PAM: variants seen among roughly 807,000 people sequenced by gnomAD.
The protein encoded by PAM is peptidylglycine alpha-amidating monooxygenase.
A neutral mutation model predicts 122.1 loss-of-function variants in PAM; 72 were observed. The ratio of observed to expected loss-of-function variants is 0.59; its 90% CI spans 0.49 to 0.72. The LOEUF is 0.72. PAM is among the 30% of genes least tolerant of loss of function. The pLI, the probability that PAM is intolerant of heterozygous loss-of-function variation, is 0.00. For missense variants in PAM, 1,106 were observed against 1,183.7 expected, an observed-to-expected ratio of 0.93 and a Z score of 0.96; for synonymous variants, 389 against 404.4, an observed-to-expected ratio of 0.96 and a Z score of 0.46.
At chr5:103,006,044 C>G (rs898477602) in intron 18 of PAM, among the ~76,000 whole-genome samples, 1 of 152,070 alleles carries the variant, frequency 6.6e-6, no homozygotes, top group Non-Finnish European at 1.5e-5. Flanking sequence ...AGGTGATCCT[C>G]CCACCTTAGC....
chr5:102,948,683 G>A (rs1263763626), intron 9 of PAM, among the ~76,000 whole-genome samples: 2 of 151,926 alleles, frequency 1.3e-5, no homozygotes, highest in Middle Eastern at 3.2e-3. Context: ...GTGTAGGTGT[G>A]TATTATATAA....
chr5:102,817,521 A>T (rs1580497673), intron 1 of PAM, among the ~76,000 whole-genome samples: 1 of 152,286 alleles, frequency 6.6e-6, no homozygotes, highest in East Asian at 1.9e-4. Context: ...ATATATTTTT[A>T]AAGTGATTTC....
In PAM at chr5:103,015,015, T is replaced by G. The variant is rs1376044552; in HGVS notation, c.2332-2319T>G. Among the ~76,000 whole-genome samples, 8 of 152,192 alleles carry G rather than the reference T, an allele frequency of 5.3e-5. No homozygotes were observed. In the East Asian group the frequency reaches 1.5e-3, roughly 29 times the overall value. Reference sequence around the variant, plus strand: ...AAAAGAAAAAAAAGTGAGCCCAGATTTATGTCATTTTTCCAACCTTCACAG... The same window carrying G: ...AAAAGAAAAAAAAGTGAGCCCAGATGTATGTCATTTTTCCAACCTTCACAG... On this transcript the variant is annotated intron_variant, in intron 21 of 25. Transcript: ENST00000438793.
chr5:102,876,989 A>G (rs1789430895), intron 3 of PAM, among the ~76,000 whole-genome samples: 1 of 152,180 alleles, frequency 6.6e-6, no homozygotes, highest in Non-Finnish European at 1.5e-5. Flanking sequence ...CCTAGTCAAG[A>G]AGAGGGCTTG....
At chr5:102,957,217 A>C (rs1761032836) in intron 12 of PAM, among the ~76,000 whole-genome samples, 1 of 152,080 alleles carries the variant, frequency 6.6e-6, no homozygotes, top group African/African-American at 2.4e-5. Context: ...CATGCACACT[A>C]CTCTATTGAA....
In PAM at chr5:102,931,957, A is replaced by G. The variant is rs74618918; in HGVS notation, c.526+5289A>G. Among the ~76,000 whole-genome samples, 1,216 of 152,110 alleles carry G rather than the reference A, an allele frequency of 8.0e-3. 22 individuals carry two copies. The highest frequency in any genetic ancestry group is 0.027 in the African/African-American group (1,136 of 41,468). Reference sequence around the variant, plus strand: ...GCTTTCCTTAGAGTGGGTGTTTAATATTTACATTCTAAATTAAGTGAATAC... The same window carrying G: ...GCTTTCCTTAGAGTGGGTGTTTAATGTTTACATTCTAAATTAAGTGAATAC... On this transcript the variant is annotated intron_variant, in intron 7 of 25. Transcript: ENST00000438793.
chr5:102,812,009 C>T (rs1580429988), intron 1 of PAM, among the ~76,000 whole-genome samples: 1 of 152,120 alleles, frequency 6.6e-6, no homozygotes, highest in Non-Finnish European at 1.5e-5. Flanking sequence ...TAGTTAACTC[C>T]TATGTGAATC....
intron 1 of PAM, among the ~76,000 whole-genome samples, chr5:102,862,767 T>G (rs1784526873): frequency 6.6e-6 from 1 of 152,180 alleles, no homozygotes; most frequent in Non-Finnish European, 1.5e-5. Context: ...GTAATATGAT[T>G]ACATCCATTT....
chr5:102,830,426 T>C (rs1001730805), intron 1 of PAM, among the ~76,000 whole-genome samples: 2 of 152,236 alleles, frequency 1.3e-5, no homozygotes, highest in Non-Finnish European at 2.9e-5. Context: ...CACTGAAATG[T>C]ATTGTTGAGT....
chr5:103,029,770 T>C (rs879174096), downstream of PAM: 2 of 152,438 alleles, frequency 1.3e-5, no homozygotes, highest in Admixed American at 6.5e-5. Context: ...CATACAACTT[T>C]TATAATAATT....
intron 1 of PAM, among the ~76,000 whole-genome samples, chr5:102,863,943 T>C (rs1784821834): frequency 6.6e-6 from 1 of 151,164 alleles, no homozygotes; most frequent in Non-Finnish European, 1.5e-5. Context: ...TTCCCTTTTC[T>C]TTAAGTGGGT....
chr5:102,878,609 C>T (rs1789949074), intron 3 of PAM, among the ~76,000 whole-genome samples: 1 of 152,026 alleles, frequency 6.6e-6, no homozygotes, highest in Non-Finnish European at 1.5e-5. Context: ...GTTATTGCCC[C>T]TGAACACCTT....
intron 3 of PAM, among the ~76,000 whole-genome samples, chr5:102,876,152 T>C (rs548888537): frequency 3.3e-5 from 5 of 152,324 alleles, no homozygotes; most frequent in Non-Finnish European, 5.9e-5. Flanking sequence ...TTTATGGTTC[T>C]TTTCTCCCTC....
Position 102,865,916 on chromosome 5 carries a change from C to A in PAM, c.-280C>A, listed in dbSNP as rs1785407656. Reference sequence around the variant, plus strand: ...GGCACCCGCGCGTCTAGCCCCAGCGCCAGGGCACGCGAGCGGCGCTGGAGG... The same window carrying A: ...GGCACCCGCGCGTCTAGCCCCAGCGACAGGGCACGCGAGCGGCGCTGGAGG... On this transcript the variant is annotated 5_prime_UTR_variant, in exon 2 of 26. Coordinates refer to ENST00000438793, the MANE Select transcript of PAM (RefSeq NM_001177306.2). The A allele has an allele frequency of 2.7e-6, 1 of 370,978 alleles. No individual in the cohort carries two copies. Among genetic ancestry groups the A allele is most frequent in the Non-Finnish European group, 4.8e-6 (1 of 210,106 alleles). The allele number at this position is 370,978 out of a possible 1,614,324, so 23.0% of individuals were successfully genotyped here.
intron 15 of PAM, among the ~76,000 whole-genome samples, chr5:102,976,209 C>G (rs913549629): frequency 1.1e-4 from 17 of 152,056 alleles, no homozygotes; most frequent in African/African-American, 3.6e-4. Context: ...TGTTATTTCC[C>G]TACTCTAATT....
chr5:102,992,903 T>C (rs1261570036), intron 16 of PAM, among the ~76,000 whole-genome samples: 2 of 152,144 alleles, frequency 1.3e-5, no homozygotes, highest in East Asian at 3.8e-4. Context: ...TGATCATTCT[T>C]TAAATATCAG....
chr5:102,858,377 A>C (rs1251633359), intron 1 of PAM, among the ~76,000 whole-genome samples: 1 of 152,164 alleles, frequency 6.6e-6, no homozygotes, highest in Non-Finnish European at 1.5e-5. Flanking sequence ...GCCATAACTG[A>C]GGGGAATGCT....
At chr5:102,853,316 G>A (rs982300887) in intron 1 of PAM, among the ~76,000 whole-genome samples, 1 of 152,172 alleles carries the variant, frequency 6.6e-6, no homozygotes, top group Non-Finnish European at 1.5e-5. Flanking sequence ...CTAAGTGAGA[G>A]AGTTACCATT....
intron 1 of PAM, among the ~76,000 whole-genome samples, chr5:102,829,016 A>G (rs1774575228): frequency 6.6e-6 from 1 of 151,460 alleles, no homozygotes; most frequent in Non-Finnish European, 1.5e-5. Context: ...CTTCCCGAGA[A>G]GCTGGGACTG....
Sources: allele counts gnomAD v4.1 joint callset (sites outside exome capture counted in the v4.1 genomes callset), GRCh38; gene constraint gnomAD v4.1.1; transcripts MANE v1.5; gene names NCBI Gene and HGNC (gene_info 2026-07-23, HGNC 2026-07-21).